Variants in PLCB4 observed in about 807,000 individuals in gnomAD.
PLCB4 encodes the protein phospholipase C beta 4, also known as 1-phosphatidylinositol 4,5-bisphosphate phosphodiesterase beta-4.
Under a neutral mutation model 178.8 loss-of-function variants are expected in PLCB4, and 77 were observed. The ratio of observed to expected loss-of-function variants is 0.43; its 90% CI spans 0.36 to 0.52. The LOEUF is 0.52. Ranked by LOEUF, PLCB4 falls within the 20% of genes least tolerant of loss-of-function variation. PLCB4 has a pLI of 0.00. For missense variants in PLCB4, 1,024 were observed against 1,453.4 expected, an observed-to-expected ratio of 0.70 and a Z score of 4.80; for synonymous variants, 496 against 490.8, an observed-to-expected ratio of 1.01 and a Z score of -0.14.
chr20:9,384,384 A>G lies in PLCB4; in HGVS notation c.1037A>G (p.Tyr346Cys), dbSNP rs1471600933. ...GGCGGGAAGTCTTCGGTAGAAATGT[A>G]CAGACAGGTTCTCCTGGCTGGTTGC... is the stretch of plus-strand genomic sequence containing the variant. ...QFGGKSSVEM[Y>C]RQVLLAGCRC... The change falls in exon 14 of 40, where the codon TAC becomes TGC. Residue 346 changes from tyrosine to cysteine, a missense_variant. Tyr to Cys is a radical substitution (Grantham distance 194). Coordinates refer to ENST00000378473, the MANE Select transcript of PLCB4 (RefSeq NM_001377142.1). 1.9e-6 allele frequency: 3 copies of G among 1,614,158 alleles called. No homozygotes were observed. Among genetic ancestry groups the G allele is most frequent in the Admixed American group, 3.3e-5 (2 of 60,028 alleles).
intron 2 of PLCB4, among the ~76,000 whole-genome samples, chr20:9,179,227 C>T (rs1237275859): frequency 6.6e-6 from 1 of 151,948 alleles, no homozygotes; most frequent in Non-Finnish European, 1.5e-5. Context: ...GATAGGGTGG[C>T]ACATAGAGGT....
At chr20:9,307,208 T>G (rs1324243335) in intron 3 of PLCB4, among the ~76,000 whole-genome samples, 1 of 152,032 alleles carries the variant, frequency 6.6e-6, no homozygotes, top group Non-Finnish European at 1.5e-5. Flanking sequence ...GCTGGCTGTC[T>G]CAAAATCAGA....
chr20:9,301,074 G>A (rs1269455541), intron 3 of PLCB4, among the ~76,000 whole-genome samples: 2 of 151,034 alleles, frequency 1.3e-5, no homozygotes. Flanking sequence ...CTCCGTAGTC[G>A]CATTTCCTCC....
intron 13 of PLCB4, among the ~76,000 whole-genome samples, chr20:9,381,249 T>C (rs1401505763): frequency 6.6e-6 from 1 of 152,178 alleles, no homozygotes; most frequent in Non-Finnish European, 1.5e-5. Flanking sequence ...ACACTTCGCA[T>C]TGGCAGGAGG....
intron 28 of PLCB4, 73 bp from the exon 29 acceptor site, chr20:9,435,487 T>C (rs778201100): frequency 6.7e-6 from 6 of 892,268 alleles, no homozygotes; most frequent in African/African-American, 1.7e-5. Context: ...TTGTAGTTTA[T>C]TAAGCAGAGT....
chr20:9,408,804 T>C (rs2039650692), intron 23 of PLCB4, 87 bp downstream of exon 23: 7 of 755,672 alleles, frequency 9.3e-6, no homozygotes, highest in Non-Finnish European at 1.4e-5. Flanking sequence ...TAATATCTCA[T>C]TCTGGTGGTG....
chr20:9,384,795 CT>C (rs528218872), intron 14 of PLCB4, among the ~76,000 whole-genome samples: 11,927 of 130,934 alleles, frequency 0.091, 567 homozygotes, highest in African/African-American at 0.16. Flanking sequence ...TGTAAATTAG[CT>C]TTTTTTTTTT....
At chr20:9,425,229 AC>A (rs2040918442) in intron 28 of PLCB4, among the ~76,000 whole-genome samples, 2 of 152,196 alleles carry the variant, frequency 1.3e-5, no homozygotes, top group Admixed American at 1.3e-4. Context: ...CCTCCCTGCA[AC>A]ACAGCATGGT....
intron 3 of PLCB4, among the ~76,000 whole-genome samples, chr20:9,276,026 G>A (rs925579430): frequency 1.3e-5 from 2 of 152,060 alleles, no homozygotes; most frequent in Non-Finnish European, 2.9e-5. Flanking sequence ...GAGCACAGTA[G>A]GGAGTGGGAA....
chr20:9,099,585 GT>G lies in PLCB4; in HGVS notation c.-79+3255del, dbSNP rs1305012404. On this transcript the variant is annotated intron_variant, in intron 2 of 39. Coordinates refer to ENST00000378473, the MANE Select transcript of PLCB4 (RefSeq NM_001377142.1). The stretch of plus-strand genomic sequence containing the variant: ...TAGAACATTATCATCATCATAGAAA[GT>G]TTTTTTTTTTTACAGTGCTGGGGAC... 3.1e-4 allele frequency among the ~76,000 whole-genome samples: 46 copies of G among 147,076 alleles called. 1 individual carries two copies. Among genetic ancestry groups the G allele is most frequent in the Middle Eastern group, 3.6e-3 (1 of 278 alleles).
Position 9,473,312 on chromosome 20 carries a change from T to G in PLCB4, c.3442T>G (p.Leu1148Val). 1.2e-6 allele frequency: 2 copies of G among 1,602,080 alleles called. No homozygotes were observed. The highest frequency in any genetic ancestry group is 1.7e-6 in the Non-Finnish European group (2 of 1,173,016). The change falls in exon 38 of 40, where the codon TTG becomes GTG. Residue 1148 changes from leucine (L) to valine (V), a missense_variant. Physicochemically the swap from Leu to Val is conservative, Grantham distance 32. Around this residue, in one of 7 missense-constraint regions of PLCB4, gnomAD observed 264 missense variants for 283.2 expected, o/e 0.93. Coordinates refer to ENST00000378473, the MANE Select transcript of PLCB4 (RefSeq NM_001377142.1). The stretch of plus-strand genomic sequence containing the variant: ...GAAGCAGTCCAAAGAAATGGATCAG[T>G]TGAAAAAAGTCCAGCTTGAACATCT... ...AMKQSKEMDQLKKVQLEHLEF... is the reference protein window; with the variant it reads ...AMKQSKEMDQVKKVQLEHLEF...
At chr20:9,472,711 A>T in intron 36 of PLCB4, 79 bp from the exon 37 acceptor site, 2 of 770,248 alleles carry the variant, frequency 2.6e-6, no homozygotes, top group Non-Finnish European at 4.3e-6. Context: ...ATTTGATGGA[A>T]TATAGCTCTT....
In PLCB4 at chr20:9,320,936, G is replaced by A. The variant is rs573390885; in HGVS notation, c.84+13038G>A. Among the ~76,000 whole-genome samples the A allele has an allele frequency of 2.0e-5, 3 of 152,256 alleles. No individual in the cohort carries two copies. The South Asian group carries it at 6.2e-4, about 32-fold the overall frequency. ...CCCTCTCAGTGATTCTGATGATGCA[G>A]CTCAAGTTTGAGAACCTAGGCCTAG... On this transcript the variant is annotated intron_variant, in intron 4 of 39. Coordinates refer to ENST00000378473, the MANE Select transcript of PLCB4 (RefSeq NM_001377142.1).
chr20:9,372,393 T>C lies in PLCB4; in HGVS notation c.676T>C (p.Phe226Leu). 1 of 1,545,782 alleles carries C rather than the reference T, an allele frequency of 6.5e-7. No homozygotes were observed. Among genetic ancestry groups the C allele is most frequent in the Non-Finnish European group, 8.9e-7 (1 of 1,126,118 alleles). ...ICPRTDIEDL[F>L]KKINGDKTDY... is the part of the protein sequence containing the mutation. ...TCCTCGGACAGATATAGAAGATCTT[T>C]TCAAAAAAATGTAAGTTCCACTTAT... is the stretch of plus-strand genomic sequence containing the variant. The change falls in exon 11 of 40, where the codon TTC becomes CTC. Residue 226 changes from phenylalanine (F) to leucine (L), a missense_variant. Around this residue, in one of 7 missense-constraint regions of PLCB4, gnomAD observed 225 missense variants for 291.0 expected, o/e 0.77. Transcript: ENST00000378473.
At chr20:9,451,108 C>T (rs2042743964) in intron 32 of PLCB4, among the ~76,000 whole-genome samples, 1 of 152,138 alleles carries the variant, frequency 6.6e-6, no homozygotes, top group Non-Finnish European at 1.5e-5. Flanking sequence ...ACTTATTGAG[C>T]ATATACTTTG....
chr20:9,256,768 A>AT (rs1437441551), intron 3 of PLCB4, among the ~76,000 whole-genome samples: 1 of 152,214 alleles, frequency 6.6e-6, no homozygotes, highest in Non-Finnish European at 1.5e-5. Context: ...TCACATTTTT[A>AT]TGTAAATGTT....
chr20:9,156,633 T>C (rs1472226240), intron 2 of PLCB4, among the ~76,000 whole-genome samples: 1 of 152,130 alleles, frequency 6.6e-6, no homozygotes, highest in Admixed American at 6.5e-5. Flanking sequence ...CTTAGACTCT[T>C]AGTACATAGG....
intron 24 of PLCB4, among the ~76,000 whole-genome samples, 162 bp from the exon 25 acceptor site, chr20:9,410,875 A>G (rs1243335258): frequency 6.6e-6 from 1 of 152,228 alleles, no homozygotes; most frequent in Admixed American, 6.5e-5. Flanking sequence ...TCAATTCAAC[A>G]TGGAAGAGAG....
In PLCB4 at chr20:9,444,192, T is replaced by C. The variant is rs2042272611; in HGVS notation, c.2829T>C (p.His943=). 1.2e-6 allele frequency: 2 copies of C among 1,604,096 alleles called. No individual in the cohort carries two copies. Among genetic ancestry groups the C allele is most frequent in the African/African-American group, 1.3e-5 (1 of 74,620 alleles). Residue 943 remains histidine, a synonymous_variant, in exon 32 of 40, where the codon CAT becomes CAC. Coordinates refer to ENST00000378473, the MANE Select transcript of PLCB4 (RefSeq NM_001377142.1). ...TTCTCCCAAAGGCTTACTTGAAGCATTTAAAGAAACAGCAGAAGGAGCTAA... is the reference window on the plus strand; with the variant it reads ...TTCTCCCAAAGGCTTACTTGAAGCACTTAAAGAAACAGCAGAAGGAGCTAA... The part of the protein sequence containing the change: ...DLKQMKAYLK[H]LKKQQKELNS...
Sources: allele counts gnomAD v4.1 joint callset (sites outside exome capture counted in the v4.1 genomes callset), GRCh38; gene constraint gnomAD v4.1.1; regional missense constraint gnomAD v4.1.1; transcripts MANE v1.5; gene names NCBI Gene and HGNC (gene_info 2026-07-23, HGNC 2026-07-21).